RGPD3: variants seen among roughly 807,000 people sequenced by gnomAD.
RGPD3 encodes the protein ranBP2-like and GRIP domain-containing protein 3.
RGPD3 carries 62 observed loss-of-function variants against 154.5 expected under a neutral mutation model. That is an observed-to-expected ratio of 0.40 (90% CI 0.33 to 0.50). The LOEUF (loss-of-function observed/expected upper bound fraction) is 0.50. Ranked by LOEUF, RGPD3 falls within the 20% of genes least tolerant of loss-of-function variation. RGPD3 has a pLI of 0.59. For missense variants in RGPD3, 919 were observed against 1,716.8 expected (o/e 0.54, Z 8.21); for synonymous variants, 308 against 607.0 (o/e 0.51, Z 7.24).
intron 20 of RGPD3, among the ~76,000 whole-genome samples, chr2:106,418,564 C>T (rs80249860): frequency 0.057 from 8,621 of 152,066 alleles, 350 homozygotes; most frequent in Non-Finnish European, 0.083. Context: ...TGCTGATAAA[C>T]TGTAAAGTGT....
rs1677113712 is a variant in RGPD3, at chr2:106,424,347, G to A, written c.3620C>T (p.Thr1207Ile). ...EMKSGLKDFK[T>I]FLTNDQTKVA... Reference sequence around the variant, plus strand: ...TTTTGTTTGATCATTTGTCAAAAATGTTTTGAAATCTTTCAGTCCACTCTT... The same window carrying A: ...TTTTGTTTGATCATTTGTCAAAAATATTTTGAAATCTTTCAGTCCACTCTT... The change falls in exon 20 of 23, where the codon ACA becomes ATA. Residue 1207 changes from threonine (T) to isoleucine (I), a missense_variant. Transcript: ENST00000409886. 10 of 1,611,788 alleles carry A rather than the reference G, an allele frequency of 6.2e-6. No individual in the cohort carries two copies. Among genetic ancestry groups the A allele is most frequent in the Non-Finnish European group, 7.6e-6 (9 of 1,179,856 alleles).
chr2:106,467,467 C>T (rs796356057), intron 1 of RGPD3, among the ~76,000 whole-genome samples: 398 of 21,020 alleles, frequency 0.019, 3 homozygotes, highest in East Asian at 0.14. Context: ...CAACAGAGCG[C>T]GCCAGGGAGC....
chr2:106,408,914 G>A (rs1413205716), intron 22 of RGPD3, among the ~76,000 whole-genome samples: 1 of 151,452 alleles, frequency 6.6e-6, no homozygotes, highest in Non-Finnish European at 1.5e-5. Context: ...CTGAACTCCT[G>A]TTCTCAAGCA....
chr2:106,441,417 T>A (rs1677738862), intron 7 of RGPD3, 37 bp from the exon 8 acceptor site: 2 of 1,111,180 alleles, frequency 1.8e-6, no homozygotes, highest in Non-Finnish European at 2.6e-6. Flanking sequence ...AATTTGATGA[T>A]ACCCATACTT....
chr2:106,408,680 A>T (rs1327616711), intron 22 of RGPD3, among the ~76,000 whole-genome samples: 5 of 149,646 alleles, frequency 3.3e-5, no homozygotes, highest in Admixed American at 3.3e-4. Flanking sequence ...TTATTTCTTA[A>T]TTTTTTTTTA....
At chr2:106,405,764 TCTATTTTAG>T (rs1283104756) in intron 22 of RGPD3, among the ~76,000 whole-genome samples, 2 of 147,476 alleles carry the variant, frequency 1.4e-5, no homozygotes, top group African/African-American at 5.0e-5. Flanking sequence ...CAGCTAATTT[TCTATTTTAG>T]CTTTAAAACA....
intron 7 of RGPD3, among the ~76,000 whole-genome samples, chr2:106,443,593 G>A (rs1226194056): frequency 2.1e-5 from 2 of 95,036 alleles, no homozygotes; most frequent in African/African-American, 3.6e-5. Context: ...TCATAAACCC[G>A]GCCTCTTTTA....
intron 17 of RGPD3, among the ~76,000 whole-genome samples, 167 bp downstream of exon 17, chr2:106,432,768 G>T: frequency 1.6e-5 from 1 of 63,648 alleles, no homozygotes; most frequent in Non-Finnish European, 2.9e-5. Flanking sequence ...TGCACAACAA[G>T]ACCCTGCCTT....
chr2:106,410,819 A>G (rs1330797888), intron 22 of RGPD3, among the ~76,000 whole-genome samples: 1 of 152,068 alleles, frequency 6.6e-6, no homozygotes, highest in African/African-American at 2.4e-5. Context: ...ATAACTACTA[A>G]AAATATACAT....
At chr2:106,427,343 T>C (rs1381736357) in intron 18 of RGPD3, among the ~76,000 whole-genome samples, 1 of 151,678 alleles carries the variant, frequency 6.6e-6, no homozygotes, top group East Asian at 1.9e-4. Flanking sequence ...ATGCACAGGA[T>C]CTCTCAAGGA....
At chr2:106,417,617 C>T (rs1377957637) in intron 20 of RGPD3, among the ~76,000 whole-genome samples, 2 of 149,920 alleles carry the variant, frequency 1.3e-5, no homozygotes, top group Admixed American at 6.6e-5. Flanking sequence ...AGCGGGAGGT[C>T]TGTGTTTCTC....
intron 17 of RGPD3, among the ~76,000 whole-genome samples, chr2:106,431,605 C>A (rs1573263640): frequency 6.6e-6 from 1 of 150,950 alleles, no homozygotes; most frequent in East Asian, 2.0e-4. Flanking sequence ...TTGTCATAGG[C>A]CATGACTACA....
At position 106,429,606 on chromosome 2, in the gene RGPD3, AG is replaced by A. The variant is rs1236913836; in HGVS notation, c.2605+39del. The A allele has an allele frequency of 1.6e-5, 16 of 1,016,372 alleles. No homozygotes were observed. The South Asian group carries it at 2.2e-4, about 14-fold the overall frequency. 63.0% of individuals were successfully genotyped at this position (1,016,372 alleles called of 1,614,324 possible). ...TCTACTTAAAAGAGGGAAGTAAAGT[AG>A]TTTTACTAAAATATGCGATTATCCA... is the stretch of plus-strand genomic sequence containing the variant. On this transcript the variant is annotated intron_variant, in intron 18 of 22. Transcript: ENST00000409886.
rs201208371 is a variant in RGPD3, at chr2:106,423,646, C to T, written c.4321G>A (p.Val1441Ile). 5.0e-6 allele frequency: 8 copies of T among 1,605,656 alleles called. No homozygotes were observed. The highest frequency in any genetic ancestry group is 1.7e-5 in the Admixed American group (1 of 59,160). Residue 1441 changes from valine (V) to isoleucine (I), a missense_variant, in exon 20 of 23, where the codon GTA becomes ATA. Val to Ile is a conservative substitution (Grantham distance 29). Coordinates refer to ENST00000409886, the MANE Select transcript of RGPD3 (RefSeq NM_001144013.2). The part of the protein sequence containing the change: ...ACDFADGERK[V>I]EHLAVRFKLQ... ...TTAAAACGAACAGCTAAATGCTCTA[C>T]TTTTCTTTCTCCATCTGCAAAATCA... is the stretch of plus-strand genomic sequence containing the variant.
At chr2:106,410,050 A>G in intron 22 of RGPD3, among the ~76,000 whole-genome samples, 1 of 151,318 alleles carries the variant, frequency 6.6e-6, no homozygotes, top group Non-Finnish European at 1.5e-5. Context: ...TAATTTTTGT[A>G]TTCTGAGTAG....
Position 106,405,014 on chromosome 2 carries a change from T to C in RGPD3, c.*205A>G, listed in dbSNP as rs1298245525. ...GTACTTTTACTTCAAGTTGAAACTT[T>C]TAAAATACATCTGTCATATAGATGT... On this transcript the variant is annotated 3_prime_UTR_variant, in exon 23 of 23. Transcript: ENST00000409886. 2.2e-5 allele frequency: 15 copies of C among 697,152 alleles called. No individual in the cohort carries two copies. In the African/African-American group the frequency reaches 2.5e-4, roughly 12 times the overall value. 43.2% of individuals were successfully genotyped at this position (697,152 alleles called of 1,614,324 possible).
chr2:106,409,316 T>C (rs1185925705), intron 22 of RGPD3, among the ~76,000 whole-genome samples: 1 of 152,132 alleles, frequency 6.6e-6, no homozygotes, highest in Non-Finnish European at 1.5e-5. Flanking sequence ...ATCTGTAATA[T>C]GGTGGTAAGT....
chr2:106,414,874 A>G (rs1676777763), intron 21 of RGPD3, among the ~76,000 whole-genome samples: 1 of 151,930 alleles, frequency 6.6e-6, no homozygotes. Flanking sequence ...AGGAGCAGCA[A>G]AGTACAGGGG....
intron 20 of RGPD3, 69 bp downstream of exon 20, chr2:106,422,974 A>G: frequency 1.3e-6 from 2 of 1,595,918 alleles, no homozygotes; most frequent in Non-Finnish European, 1.7e-6. Context: ...TATCCCACAA[A>G]GAGTCTGCAT....
Sources: allele counts gnomAD v4.1 joint callset (sites outside exome capture counted in the v4.1 genomes callset), GRCh38; gene constraint gnomAD v4.1.1; transcripts MANE v1.5; gene names NCBI Gene and HGNC (gene_info 2026-07-23, HGNC 2026-07-21).